The following HDAC9 variants were observed in gnomAD, a reference collection of about 807,000 sequenced individuals.
The protein encoded by HDAC9 is MEF-2 interacting transcription repressor (MITR) protein.
HDAC9 carries 41 observed loss-of-function variants against 139.4 expected under a neutral mutation model. The observed-to-expected ratio is 0.29, with a 90% confidence interval of 0.23 to 0.38. The LOEUF (loss-of-function observed/expected upper bound fraction) is 0.38. Ranked by LOEUF, HDAC9 falls within the 10% of genes least tolerant of loss-of-function variation. The pLI is 1.00. For missense variants in HDAC9, 1,147 were observed against 1,297.0 expected (o/e 0.88, Z 1.78); for synonymous variants, 517 against 476.2 (o/e 1.09, Z -1.12).
intron 1 of HDAC9, among the ~76,000 whole-genome samples, chr7:18,481,517 A>G (rs1321912144): frequency 1.3e-5 from 2 of 152,222 alleles, no homozygotes; most frequent in African/African-American, 4.8e-5. Context: ...GGTTATGGTT[A>G]TAAGGGTTAT....
intron 23 of HDAC9, among the ~76,000 whole-genome samples, chr7:18,952,003 T>TA (rs1782831970): frequency 6.6e-6 from 1 of 151,718 alleles, no homozygotes; most frequent in Admixed American, 6.6e-5. Flanking sequence ...AGAGAAAAAA[T>TA]AAAGAACCTA....
chr7:18,984,314 C>T (rs1366311215), intron 25 of HDAC9, among the ~76,000 whole-genome samples: 5 of 152,054 alleles, frequency 3.3e-5, no homozygotes, highest in African/African-American at 7.2e-5. Context: ...AAAGGACTCT[C>T]GGGGCAGTTG....
At chr7:18,140,849 T>C (rs1785847027) in intron 1 of HDAC9, among the ~76,000 whole-genome samples, 1 of 152,034 alleles carries the variant, frequency 6.6e-6, no homozygotes, top group Admixed American at 6.6e-5. Flanking sequence ...AGCAATTTCT[T>C]TGACACAGCA....
chr7:18,648,505 AAG>A lies in HDAC9; in HGVS notation c.1295_1296del (p.Arg432AsnfsTer6). Reference sequence around the variant, plus strand: ...CATCCTCAGTCTCCCTTGGCAACAAAAGAGAGAATTTCACCTGGCATTAGAGG... The same window carrying A: ...CATCCTCAGTCTCCCTTGGCAACAAAAGAGAATTTCACCTGGCATTAGAGG... On this transcript the variant is annotated frameshift_variant, in exon 11 of 26. Coordinates refer to ENST00000686413, the MANE Select transcript of HDAC9 (RefSeq NM_178425.4). LOFTEE classifies it high-confidence loss of function. The A allele has an allele frequency of 6.2e-7, 1 of 1,613,440 alleles. No individual in the cohort carries two copies. The highest frequency in any genetic ancestry group is 8.5e-7 in the Non-Finnish European group (1 of 1,179,726).
chr7:18,138,525 GA>G (rs1252081093), intron 1 of HDAC9, among the ~76,000 whole-genome samples: 10 of 118,858 alleles, frequency 8.4e-5, no homozygotes, highest in Admixed American at 1.8e-4. Context: ...GAGAGAGAGA[GA>G]GGTGTGTGTG....
At chr7:18,975,410 A>G (rs1221475758) in intron 24 of HDAC9, among the ~76,000 whole-genome samples, 3 of 152,172 alleles carry the variant, frequency 2.0e-5, no homozygotes, top group African/African-American at 4.8e-5. Flanking sequence ...TCAAGTAGCA[A>G]TGTTTAACAG....
intron 1 of HDAC9, among the ~76,000 whole-genome samples, chr7:18,150,075 G>GT (rs1786655664): frequency 9.7e-6 from 1 of 103,456 alleles, no homozygotes; most frequent in Non-Finnish European, 2.2e-5. Flanking sequence ...CACTTTATTA[G>GT]GGTTTTTTTT....
chr7:18,282,042 G>A (rs1438708226), intron 2 of HDAC9, among the ~76,000 whole-genome samples: 3 of 152,090 alleles, frequency 2.0e-5, no homozygotes, highest in Admixed American at 1.3e-4. Context: ...ATAGTAAAGC[G>A]TTTAGAAAAA....
intron 7 of HDAC9, among the ~76,000 whole-genome samples, chr7:18,630,494 T>A (rs534096931): frequency 6.6e-6 from 1 of 152,108 alleles, no homozygotes; most frequent in East Asian, 1.9e-4. Context: ...GTATTTAGGT[T>A]CTAATGCAAC....
chr7:18,850,652 A>G (rs928028552), intron 21 of HDAC9, among the ~76,000 whole-genome samples: 10 of 152,328 alleles, frequency 6.6e-5, no homozygotes, highest in African/African-American at 2.4e-4. Flanking sequence ...TTCCCTCGCC[A>G]TTAATTCAAA....
intron 11 of HDAC9, among the ~76,000 whole-genome samples, chr7:18,663,408 A>G (rs1304247725): frequency 6.6e-6 from 1 of 151,994 alleles, no homozygotes; most frequent in Non-Finnish European, 1.5e-5. Context: ...TATTTCCTGT[A>G]GTGTCAGACA....
chr7:18,336,907 A>C (rs1412414006), intron 1 of HDAC9, among the ~76,000 whole-genome samples: 1 of 151,650 alleles, frequency 6.6e-6, no homozygotes, highest in East Asian at 1.9e-4. Context: ...TGTAACTAAA[A>C]CTAATTTTGT....
At chr7:18,189,026 A>G (rs937805854) in intron 2 of HDAC9, among the ~76,000 whole-genome samples, 2 of 152,354 alleles carry the variant, frequency 1.3e-5, no homozygotes, top group Non-Finnish European at 2.9e-5. Context: ...TCATTCTGCT[A>G]TAAAGACAAA....
chr7:18,615,948 A>G (rs1376291361), intron 6 of HDAC9, among the ~76,000 whole-genome samples: 1 of 152,108 alleles, frequency 6.6e-6, no homozygotes, highest in East Asian at 1.9e-4. Flanking sequence ...TGAAGGCATC[A>G]CCCTGGCGTG....
chr7:18,693,096 C>G (rs1374816690), intron 12 of HDAC9, among the ~76,000 whole-genome samples: 1 of 151,522 alleles, frequency 6.6e-6, no homozygotes, highest in South Asian at 2.1e-4. Context: ...TAAAATAAAA[C>G]TTTAAAAAGA....
At chr7:18,348,316 T>C (rs1033331263) in intron 1 of HDAC9, among the ~76,000 whole-genome samples, 16 of 152,206 alleles carry the variant, frequency 1.1e-4, no homozygotes, top group African/African-American at 1.9e-4. Flanking sequence ...TCAACACTTA[T>C]TGAGCATTTA....
At position 18,275,012 on chromosome 7, in the gene HDAC9, C is replaced by A. The variant is rs542650371; in HGVS notation, c.25+112663C>A. 3.3e-5 allele frequency among the ~76,000 whole-genome samples: 5 copies of A among 152,246 alleles called. No individual in the cohort carries two copies. The South Asian group carries it at 8.3e-4, about 25-fold the overall frequency. On this transcript the variant is annotated intron_variant, in intron 2 of 12. Coordinates refer to the HDAC9 transcript ENST00000417496. ...GTAGCCCCAAATTTGTATGTCTAGC[C>A]CAGGCAGCTTTCCTGAACTTCAGGC... is the stretch of plus-strand genomic sequence containing the variant.
At chr7:18,569,218 T>G (rs1823461962) in intron 2 of HDAC9, among the ~76,000 whole-genome samples, 1 of 152,190 alleles carries the variant, frequency 6.6e-6, no homozygotes, top group African/African-American at 2.4e-5. Flanking sequence ...CTATACACAG[T>G]AAGTCAATGA....
intron 19 of HDAC9, among the ~76,000 whole-genome samples, chr7:18,830,259 G>A (rs939625814): frequency 2.0e-5 from 3 of 152,158 alleles, no homozygotes; most frequent in Admixed American, 6.5e-5. Flanking sequence ...CCAGGAAAGG[G>A]CGAAAGAGAA....
Sources: gnomAD v4.1 joint callset for allele counts (sites outside exome capture counted in the v4.1 genomes callset) on GRCh38, gnomAD v4.1.1 for gene constraint, MANE v1.5 for transcripts, NCBI Gene and HGNC (gene_info 2026-07-23, HGNC 2026-07-21) for gene names.